The following POLA2 variants were observed in gnomAD, a reference collection of about 807,000 sequenced individuals.
POLA2 encodes DNA polymerase alpha subunit B.
POLA2 carries 47 observed loss-of-function variants against 82.8 expected under a neutral mutation model. The observed-to-expected ratio is 0.57, with a 90% CI of 0.45 to 0.72. The LOEUF (loss-of-function observed/expected upper bound fraction) is 0.72. POLA2 is among the 30% of genes least tolerant of loss of function. The pLI is 0.00. For missense variants in POLA2, 634 were observed against 728.1 expected (o/e 0.87, Z 1.49); for synonymous variants, 287 against 286.8 (o/e 1.00, Z -0.01).
At position 65,297,548 on chromosome 11, in the gene POLA2, A is replaced by G. The variant is rs569256903; in HGVS notation, c.*279A>G. ...ATCCCGCCCACTCAGAAAAGGCGAGAAGGCTTTGTGATTTTCTACATGAAT... is the reference window on the plus strand; with the variant it reads ...ATCCCGCCCACTCAGAAAAGGCGAGGAGGCTTTGTGATTTTCTACATGAAT... On this transcript the variant is annotated 3_prime_UTR_variant, in exon 18 of 18. Coordinates refer to ENST00000265465, the MANE Select transcript of POLA2 (RefSeq NM_002689.4). 5.4e-5 allele frequency: 17 copies of G among 312,750 alleles called. No individual in the cohort carries two copies. The Admixed American group carries it at 5.6e-4, about 10-fold the overall frequency. 19.4% of individuals were successfully genotyped at this position (312,750 alleles called of 1,614,324 possible).
chr11:65,279,663 T>G, intron 7 of POLA2, 37 bp downstream of exon 7: 1 of 1,419,000 alleles, frequency 7.0e-7, no homozygotes, highest in East Asian at 2.3e-5. Flanking sequence ...TAATTAATAT[T>G]ACGTTTTTAA....
intron 15 of POLA2, among the ~76,000 whole-genome samples, chr11:65,295,064 C>T (rs1050602461): frequency 6.6e-6 from 1 of 152,188 alleles, no homozygotes; most frequent in Non-Finnish European, 1.5e-5. Flanking sequence ...CAACATCCAG[C>T]TCTGCAGAGA....
At chr11:65,273,213 A>G (rs1262160047) in intron 4 of POLA2, among the ~76,000 whole-genome samples, 2 of 149,480 alleles carry the variant, frequency 1.3e-5, no homozygotes, top group African/African-American at 2.5e-5. Flanking sequence ...CCAGCTACTC[A>G]GGAGGCTGAG....
Position 65,298,203 on chromosome 11 carries a change from T to A in POLA2, c.*934T>A, listed in dbSNP as rs1355238115. 6.6e-6 allele frequency: 1 copy of A among 152,242 alleles called. No homozygotes were observed. Among genetic ancestry groups the A allele is most frequent in the African/African-American group, 2.4e-5 (1 of 41,438 alleles). The allele number at this position is 152,242 out of a possible 1,614,324, so 9.4% of individuals were successfully genotyped here. A position where few individuals can be genotyped will look rare whatever the true frequency, so the allele number is the denominator to read the frequency against. On this transcript the variant is annotated 3_prime_UTR_variant, in exon 18 of 18. Transcript: ENST00000265465. Reference sequence around the variant, plus strand: ...TGCATGCCTGGGCCTCCCTGCGCAGTTCCTCACATGCATGCTGTGGTCCCA... The same window carrying A: ...TGCATGCCTGGGCCTCCCTGCGCAGATCCTCACATGCATGCTGTGGTCCCA...
chr11:65,292,215 G>A (rs998432825), intron 13 of POLA2, among the ~76,000 whole-genome samples: 19 of 152,122 alleles, frequency 1.2e-4, no homozygotes, highest in Middle Eastern at 3.2e-3. Flanking sequence ...CAGCCTGGGC[G>A]ACACAGCAAG....
At chr11:65,294,423 G>A in intron 14 of POLA2, 123 bp from the exon 15 acceptor site, 1 of 978,920 alleles carries the variant, frequency 1.0e-6, no homozygotes, top group South Asian at 1.4e-5. Context: ...CCAAAAGCTT[G>A]ATGTATGTTG....
intron 11 of POLA2, among the ~76,000 whole-genome samples, chr11:65,288,069 G>C (rs1949716240): frequency 6.6e-6 from 1 of 152,146 alleles, no homozygotes; most frequent in African/African-American, 2.4e-5. Flanking sequence ...ACTTTGGGAG[G>C]CCGAGATGTG....
At chr11:65,299,085 A>C (rs1312334467), downstream of POLA2, among the ~76,000 whole-genome samples, 3 of 152,046 alleles carry the variant, frequency 2.0e-5, no homozygotes, top group African/African-American at 7.3e-5. Flanking sequence ...CCGTCCCTAG[A>C]CCCCACTTCA....
intron 4 of POLA2, 148 bp from the exon 5 acceptor site, chr11:65,275,744 G>C (rs897948510): frequency 2.3e-6 from 1 of 435,360 alleles, no homozygotes; most frequent in African/African-American, 2.0e-5. Context: ...GATTATGCTT[G>C]GATGATGGGG....
chr11:65,289,723 T>C, intron 12 of POLA2, 76 bp from the exon 13 acceptor site: 1 of 910,832 alleles, frequency 1.1e-6, no homozygotes, highest in Non-Finnish European at 1.8e-6. Context: ...CTTCTATGGG[T>C]CACCTAACAA....
intron 5 of POLA2, among the ~76,000 whole-genome samples, chr11:65,277,745 C>A (rs934813746): frequency 7.9e-5 from 12 of 152,202 alleles, no homozygotes; most frequent in African/African-American, 2.9e-4. Context: ...ATGGATGGCT[C>A]ATGGAGCTTC....
rs557006069 is a variant in POLA2, at chr11:65,263,684, G to A, written c.79+1313G>A. On this transcript the variant is annotated intron_variant, in intron 1 of 17. Coordinates refer to ENST00000265465, the MANE Select transcript of POLA2 (RefSeq NM_002689.4). ...CTCTACTAAAAATACAAAATTAGTC[G>A]GGCGTGGTGGCGCATGCCTGTAATC... is the stretch of plus-strand genomic sequence containing the variant. 2.3e-4 allele frequency among the ~76,000 whole-genome samples: 35 copies of A among 152,114 alleles called. No homozygotes were observed. In the South Asian group the frequency reaches 7.3e-3, roughly 32 times the overall value.
At chr11:65,278,610 T>G in intron 5 of POLA2, 120 bp from the exon 6 acceptor site, 1 of 815,824 alleles carries the variant, frequency 1.2e-6, no homozygotes, top group East Asian at 2.5e-5. Flanking sequence ...TGATTCAATT[T>G]ATAAACTATG....
intron 13 of POLA2, among the ~76,000 whole-genome samples, chr11:65,292,741 CACAA>C (rs1164165969): frequency 6.6e-6 from 1 of 152,160 alleles, no homozygotes; most frequent in East Asian, 1.9e-4. Flanking sequence ...GAGAGGACAC[CACAA>C]ACAGTGATAA....
rs1281651286 is a variant in POLA2 at position 65,267,529 on chromosome 11, G to C, written c.257G>C (p.Gly86Ala). Residue 86 changes from glycine to alanine, a missense_variant, in exon 3 of 18, where the codon GGC (glycine) becomes GCC (alanine). Physicochemically the swap from Gly to Ala is moderately conservative, Grantham distance 60 (BLOSUM62 0). Coordinates refer to ENST00000265465, the MANE Select transcript of POLA2 (RefSeq NM_002689.4). ...KARHSTCKDS[G>A]HAGARDIVSI... is the part of the protein sequence containing the mutation. ...AGGCATAGTACCTGCAAGGACAGTG[G>C]CCATGCAGGAGCTAGAGACATTGTT... The C allele has an allele frequency of 9.9e-6, 16 of 1,612,048 alleles. No homozygotes were observed. The highest frequency in any genetic ancestry group is 1.3e-5 in the Non-Finnish European group (15 of 1,178,978).
chr11:65,287,268 C>A (rs1169184993), intron 10 of POLA2, among the ~76,000 whole-genome samples: 1 of 152,136 alleles, frequency 6.6e-6, no homozygotes, highest in East Asian at 1.9e-4. Flanking sequence ...CATTCCCCGG[C>A]CTGTCTTTCT....
rs1357424014 is a variant in POLA2 at position 65,278,742 on chromosome 11, C to G, written c.474C>G (p.Ser158=). 6.2e-7 allele frequency: 1 copy of G among 1,613,204 alleles called. No homozygotes were observed. The highest frequency in any genetic ancestry group is 1.7e-5 in the Admixed American group (1 of 59,990). Residue 158 remains serine (S), a synonymous_variant, in exon 6 of 18, where the codon TCC becomes TCG. Transcript: ENST00000265465. The part of the protein sequence containing the change: ...PSSFSPSATP[S]QKYNSRSNRG... ...TGCTTCCAATTAGTGCTACTCCCTCCCAGAAATACAACTCACGAAGTAACC... is the reference window on the plus strand; with the variant it reads ...TGCTTCCAATTAGTGCTACTCCCTCGCAGAAATACAACTCACGAAGTAACC...
intron 4 of POLA2, among the ~76,000 whole-genome samples, chr11:65,269,282 A>G (rs1000275740): frequency 6.6e-6 from 1 of 152,180 alleles, no homozygotes; most frequent in Non-Finnish European, 1.5e-5. Context: ...GGAGATCGAG[A>G]CCATCCTGGT....
intron 5 of POLA2, among the ~76,000 whole-genome samples, chr11:65,277,067 G>A (rs536963718): frequency 5.0e-4 from 76 of 152,154 alleles, no homozygotes; most frequent in Non-Finnish European, 8.7e-4. Flanking sequence ...AGGATGTCAA[G>A]CATGTGCCAC....
Sources: allele counts gnomAD v4.1 joint callset (sites outside exome capture counted in the v4.1 genomes callset), GRCh38; gene constraint gnomAD v4.1.1; transcripts MANE v1.5; gene names NCBI Gene and HGNC (gene_info 2026-07-23, HGNC 2026-07-21).